Variants in EXOC4 observed in about 807,000 individuals in gnomAD.
EXOC4 encodes the protein exocyst complex component 4.
In EXOC4, 71 loss-of-function variants were observed where a neutral mutation model predicts 107.2. The observed-to-expected ratio is 0.66, with a 90% CI of 0.55 to 0.81. The LOEUF (loss-of-function observed/expected upper bound fraction) is 0.81, where lower values mean the gene tolerates loss of function less well. Among genes scored for constraint, EXOC4 ranks in the 30% least tolerant of loss-of-function variants. The pLI, the probability that EXOC4 is intolerant of heterozygous loss-of-function variation, is 0.00. For synonymous variants in EXOC4, 456 were observed against 441.2 expected (o/e 1.03, Z -0.42); for missense variants, 1,108 against 1,189.6 (o/e 0.93, Z 1.01).
chr7:133,806,190 A>G lies in EXOC4; in HGVS notation c.1515-11135A>G, dbSNP rs1797073097. On this transcript the variant is annotated intron_variant, in intron 10 of 17. Coordinates refer to ENST00000253861, the MANE Select transcript of EXOC4 (RefSeq NM_021807.4). ...TAAATGTATGAACTTAAGATTTAATATAAAGAGAATGTCTATACATCTAGA... is the reference window on the plus strand; with the variant it reads ...TAAATGTATGAACTTAAGATTTAATGTAAAGAGAATGTCTATACATCTAGA... Among the ~76,000 whole-genome samples, 5 of 152,386 alleles carry G rather than the reference A, an allele frequency of 3.3e-5. No homozygotes were observed. The South Asian group carries it at 1.0e-3, about 32-fold the overall frequency.
At chr7:133,496,060 C>T (rs910212000) in intron 9 of EXOC4, among the ~76,000 whole-genome samples, 1 of 152,076 alleles carries the variant, frequency 6.6e-6, no homozygotes, top group African/African-American at 2.4e-5. Flanking sequence ...TCTTCCCCTG[C>T]CCCCATACTG....
intron 9 of EXOC4, among the ~76,000 whole-genome samples, chr7:133,508,196 C>G (rs1799702002): frequency 6.6e-6 from 1 of 151,946 alleles, no homozygotes. Context: ...GAACTTAAGT[C>G]TTTTCAATGA....
the EXOC4 span, among the ~76,000 whole-genome samples, chr7:134,083,708 G>A: frequency 3.3e-4 from 51 of 152,244 alleles, no homozygotes; most frequent in South Asian, 3.1e-3. Flanking sequence ...CAAAGCAGAT[G>A]TGACCAGTCC....
At chr7:134,035,397 G>A (rs1795366778) in intron 17 of EXOC4, among the ~76,000 whole-genome samples, 1 of 152,076 alleles carries the variant, frequency 6.6e-6, no homozygotes, top group Non-Finnish European at 1.5e-5. Context: ...AGTGGGAGTA[G>A]GCAGGAGATT....
the EXOC4 span, among the ~76,000 whole-genome samples, chr7:134,099,568 C>T: frequency 2.3e-5 from 3 of 129,878 alleles, no homozygotes; most frequent in Non-Finnish European, 4.7e-5. Flanking sequence ...GTCTCGCTGT[C>T]ACCCAGGCTG....
chr7:133,674,156 C>T (rs1017803049), intron 10 of EXOC4, among the ~76,000 whole-genome samples: 1 of 152,178 alleles, frequency 6.6e-6, no homozygotes, highest in African/African-American at 2.4e-5. Flanking sequence ...GAAAGAAAAT[C>T]CCAAAGGATT....
intron 14 of EXOC4, among the ~76,000 whole-genome samples, chr7:133,949,282 A>G (rs1323148100): frequency 6.6e-6 from 1 of 152,230 alleles, no homozygotes; most frequent in South Asian, 2.1e-4. Flanking sequence ...TAGATCAGGT[A>G]TAGGTCTCTA....
intron 10 of EXOC4, among the ~76,000 whole-genome samples, chr7:133,764,806 G>A (rs774675928): frequency 1.3e-5 from 2 of 152,050 alleles, no homozygotes; most frequent in African/African-American, 4.8e-5. Flanking sequence ...GAATGATGAT[G>A]TCTGTTATAC....
chr7:133,280,941 T>C lies in EXOC4; in HGVS notation c.276+5770T>C, dbSNP rs868646245. On this transcript the variant is annotated intron_variant, in intron 2 of 17. Transcript: ENST00000253861. Reference sequence around the variant, plus strand: ...CTAAACAGTGGGTAATAATGAGATATAATTTTAAATGCGTGCAGCACTCTA... The same window carrying C: ...CTAAACAGTGGGTAATAATGAGATACAATTTTAAATGCGTGCAGCACTCTA... 2.0e-5 allele frequency among the ~76,000 whole-genome samples: 3 copies of C among 152,154 alleles called. No individual in the cohort carries two copies. The South Asian group carries it at 6.2e-4, about 31-fold the overall frequency.
At chr7:133,962,215 C>T (rs958803822) in intron 14 of EXOC4, among the ~76,000 whole-genome samples, 1 of 152,160 alleles carries the variant, frequency 6.6e-6, no homozygotes, top group African/African-American at 2.4e-5. Context: ...AACATACTTA[C>T]TGTGGAAATA....
At chr7:133,545,649 T>A (rs1326771429) in intron 9 of EXOC4, among the ~76,000 whole-genome samples, 1 of 152,222 alleles carries the variant, frequency 6.6e-6, no homozygotes, top group Non-Finnish European at 1.5e-5. Flanking sequence ...ACTTGAACCA[T>A]TTTCAATATT....
At chr7:133,992,537 G>T (rs1218614933) in intron 14 of EXOC4, among the ~76,000 whole-genome samples, 1 of 151,766 alleles carries the variant, frequency 6.6e-6, no homozygotes, top group Admixed American at 6.6e-5. Context: ...CCCGCCTCAG[G>T]CTCCCAAAGT....
At chr7:133,569,005 TAA>T (rs1337300481) in intron 9 of EXOC4, among the ~76,000 whole-genome samples, 1 of 152,012 alleles carries the variant, frequency 6.6e-6, no homozygotes, top group African/African-American at 2.4e-5. Context: ...AAAGTAAAAA[TAA>T]GTAAGCAAAT....
At chr7:133,277,022 C>A (rs996801874) in intron 2 of EXOC4, among the ~76,000 whole-genome samples, 1 of 151,212 alleles carries the variant, frequency 6.6e-6, no homozygotes, top group African/African-American at 2.4e-5. Flanking sequence ...AGTGCAATGG[C>A]GCGATCTAAG....
intron 14 of EXOC4, among the ~76,000 whole-genome samples, chr7:133,996,293 A>T (rs1585309325): frequency 6.6e-6 from 1 of 152,312 alleles, no homozygotes; most frequent in East Asian, 1.9e-4. Flanking sequence ...AATTTAAATA[A>T]TTAGCTCTTG....
At position 134,053,106 on chromosome 7, in the gene EXOC4, G is replaced by T. The variant is rs185945804; in HGVS notation, c.2688-11185G>T. Among the ~76,000 whole-genome samples, 147 of 152,180 alleles carry T rather than the reference G, an allele frequency of 9.7e-4. 1 individual carries two copies. The highest frequency in any genetic ancestry group is 8.6e-3 in the Admixed American group (132 of 15,288). On this transcript the variant is annotated intron_variant, in intron 17 of 17. Transcript: ENST00000253861. ...CTAGTTACCGTCTTCTTAGGCCAAG[G>T]GGTAGGAGCAAGTTGAATATAGAAT... is the stretch of plus-strand genomic sequence containing the variant.
chr7:133,447,375 T>G (rs1798243832), intron 7 of EXOC4: 1 of 152,114 alleles, frequency 6.6e-6, no homozygotes, highest in East Asian at 1.9e-4. Context: ...ACCAGGCAAG[T>G]GCTCCACTCT....
At chr7:133,518,414 G>A (rs188854114) in intron 9 of EXOC4, among the ~76,000 whole-genome samples, 9 of 144,602 alleles carry the variant, frequency 6.2e-5, no homozygotes, top group Admixed American at 1.4e-4. Flanking sequence ...ATTCATTCAT[G>A]GCCTCTCCTA....
At chr7:133,299,090 A>G (rs1794586563) in intron 3 of EXOC4, among the ~76,000 whole-genome samples, 1 of 152,206 alleles carries the variant, frequency 6.6e-6, no homozygotes, top group African/African-American at 2.4e-5. Context: ...AGGTTAAAAT[A>G]TTATATATTA....
Sources: gnomAD v4.1 joint callset for allele counts (sites outside exome capture counted in the v4.1 genomes callset) on GRCh38, gnomAD v4.1.1 for gene constraint, MANE v1.5 for transcripts, NCBI Gene and HGNC (gene_info 2026-07-23, HGNC 2026-07-21) for gene names.